OR1B1: variants seen among roughly 807,000 people sequenced by gnomAD.
The protein encoded by OR1B1 is olfactory receptor 1B1.
For missense variants in OR1B1, 414 were observed against 402.1 expected (o/e 1.03, Z -0.25); for synonymous variants, 168 against 156.2 (o/e 1.08, Z -0.57).
chr9:122,640,436 A>G, the OR1B1 span, among the ~76,000 whole-genome samples: 2 of 152,282 alleles, frequency 1.3e-5, no homozygotes, highest in South Asian at 4.2e-4. Flanking sequence ...GAAGCCAAGT[A>G]TATAATGGAG....
the OR1B1 span, among the ~76,000 whole-genome samples, chr9:122,640,280 A>G: frequency 6.6e-6 from 1 of 152,016 alleles, no homozygotes; most frequent in Non-Finnish European, 1.5e-5. Context: ...TCTTTTCTAT[A>G]TATTTTCCTT....
the OR1B1 span, among the ~76,000 whole-genome samples, chr9:122,650,357 C>T: frequency 1.3e-5 from 2 of 151,802 alleles, no homozygotes; most frequent in South Asian, 2.1e-4. Context: ...ATGTAACAAA[C>T]CTGCAATGCC....
At chr9:122,651,130 T>C in the OR1B1 span, among the ~76,000 whole-genome samples, 1 of 152,364 alleles carries the variant, frequency 6.6e-6, no homozygotes, top group South Asian at 2.1e-4. Flanking sequence ...ATTTTTAAAA[T>C]TAAAACATAT....
the OR1B1 span, among the ~76,000 whole-genome samples, chr9:122,647,550 G>T: frequency 1.3e-5 from 2 of 152,078 alleles, no homozygotes; most frequent in Non-Finnish European, 2.9e-5. Context: ...AAATAATAAA[G>T]ATAAGAGCAG....
the OR1B1 span, among the ~76,000 whole-genome samples, chr9:122,636,659 G>C: frequency 6.6e-6 from 1 of 152,120 alleles, no homozygotes; most frequent in East Asian, 1.9e-4. Flanking sequence ...ACACACACAT[G>C]TACATTCATC....
At chr9:122,651,337 C>T in the OR1B1 span, among the ~76,000 whole-genome samples, 1 of 152,188 alleles carries the variant, frequency 6.6e-6, no homozygotes, top group South Asian at 2.1e-4. Flanking sequence ...CAATATCCAC[C>T]TTCTAGCTAT....
the OR1B1 span, among the ~76,000 whole-genome samples, chr9:122,652,061 G>T: frequency 6.6e-6 from 1 of 152,074 alleles, no homozygotes. Flanking sequence ...CTCCCAAAAT[G>T]CATCATTTCT....
the OR1B1 span, among the ~76,000 whole-genome samples, chr9:122,637,868 G>A: frequency 6.6e-6 from 1 of 152,104 alleles, no homozygotes; most frequent in Non-Finnish European, 1.5e-5. Flanking sequence ...ACAAAATCAC[G>A]ATTTGTAGAA....
the OR1B1 span, among the ~76,000 whole-genome samples, chr9:122,650,257 G>C: frequency 6.6e-6 from 1 of 152,160 alleles, no homozygotes; most frequent in East Asian, 1.9e-4. Flanking sequence ...CGGTGGGTGG[G>C]GGGCTAGAGG....
At chr9:122,634,267 T>C (rs1056840057), upstream of OR1B1, among the ~76,000 whole-genome samples, 1 of 144,958 alleles carries the variant, frequency 6.9e-6, no homozygotes, top group Non-Finnish European at 1.5e-5. Context: ...ACCCGGGATG[T>C]GGAGGTTGTG....
chr9:122,649,145 T>C, the OR1B1 span, among the ~76,000 whole-genome samples: 4 of 151,968 alleles, frequency 2.6e-5, no homozygotes, highest in East Asian at 7.7e-4. Context: ...AAACAAGCAA[T>C]GGGGGAAAGG....
exon 1 of OR1B1, chr9:122,628,907 C>A (rs764858115): frequency 1.2e-6 from 2 of 1,614,092 alleles, no homozygotes; most frequent in East Asian, 2.2e-5. Context: ...CATAAGGAAG[C>A]CACCCTCAAA....
the OR1B1 span, among the ~76,000 whole-genome samples, chr9:122,649,582 G>A: frequency 6.6e-6 from 1 of 152,066 alleles, no homozygotes; most frequent in Non-Finnish European, 1.5e-5. Context: ...TCAAAAAGTG[G>A]GCAAAGGATA....
chr9:122,636,768 G>A, the OR1B1 span, among the ~76,000 whole-genome samples: 2 of 152,206 alleles, frequency 1.3e-5, no homozygotes, highest in Non-Finnish European at 2.9e-5. Flanking sequence ...AAGGGCAGTG[G>A]TCTAGAAGTT....
chr9:122,629,593 G>T, upstream of OR1B1: 2 of 1,014,518 alleles, frequency 2.0e-6, no homozygotes, highest in Non-Finnish European at 3.0e-6. Flanking sequence ...TCATGGGTCT[G>T]ATGTTAGGGA....
chr9:122,634,898 GA>G, the OR1B1 span, among the ~76,000 whole-genome samples: 1 of 152,168 alleles, frequency 6.6e-6, no homozygotes, highest in African/African-American at 2.4e-5. Flanking sequence ...GCAAGGATAT[GA>G]AGGAAAGGGA....
At chr9:122,639,398 A>G in the OR1B1 span, among the ~76,000 whole-genome samples, 1 of 151,988 alleles carries the variant, frequency 6.6e-6, no homozygotes, top group Non-Finnish European at 1.5e-5. Flanking sequence ...TGGTTCATTT[A>G]TTTTTCACTG....
the OR1B1 span, among the ~76,000 whole-genome samples, chr9:122,647,452 G>A: frequency 6.6e-6 from 1 of 151,824 alleles, no homozygotes; most frequent in South Asian, 2.1e-4. Flanking sequence ...CAAAAAAGAG[G>A]AAAAACTTTA....
At chr9:122,633,665 C>T (rs1830226472), upstream of OR1B1, among the ~76,000 whole-genome samples, 2 of 152,140 alleles carry the variant, frequency 1.3e-5, no homozygotes, top group South Asian at 4.1e-4. Context: ...CATGGTGGCT[C>T]ATGCCTGTAA....
Sources: gnomAD v4.1 joint callset for allele counts (sites outside exome capture counted in the v4.1 genomes callset) on GRCh38, gnomAD v4.1.1 for gene constraint, MANE v1.5 for transcripts, NCBI Gene and HGNC (gene_info 2026-07-23, HGNC 2026-07-21) for gene names.